The following STPG4 variants were observed in gnomAD, a reference collection of about 807,000 sequenced individuals.
The protein encoded by STPG4 is protein STPG4.
In STPG4, 41 loss-of-function variants were observed where a neutral mutation model predicts 31.5. The observed-to-expected ratio is 1.30, with a 90% CI of 1.01 to 1.69. The LOEUF (loss-of-function observed/expected upper bound fraction) is 1.69, where lower values mean the gene tolerates loss of function less well. STPG4 is among the 40% of genes most tolerant of loss of function. The pLI, the probability that STPG4 is intolerant of heterozygous loss-of-function variation, is 0.00. For missense variants in STPG4, 375 were observed against 293.4 expected, an observed-to-expected ratio of 1.28 and a Z score of -2.03; for synonymous variants, 141 against 103.0, an observed-to-expected ratio of 1.37 and a Z score of -2.24.
At chr2:47,128,997 T>C (rs1686417866) in intron 5 of STPG4, 2 of 152,428 alleles carry the variant, frequency 1.3e-5, no homozygotes, top group South Asian at 4.2e-4. Flanking sequence ...CAGTAGGTGA[T>C]GAATCTTGCC....
intron 3 of STPG4, among the ~76,000 whole-genome samples, chr2:47,142,313 C>T (rs1015496400): frequency 6.6e-6 from 1 of 151,962 alleles, no homozygotes; most frequent in Non-Finnish European, 1.5e-5. Context: ...AATAGAATTG[C>T]CAAATTTGTT....
In STPG4 at chr2:47,100,258, A is replaced by G. The variant is rs540511103; in HGVS notation, c.520-9884T>C. Among the ~76,000 whole-genome samples, 583 of 151,714 alleles carry G rather than the reference A, an allele frequency of 3.8e-3. 6 individuals are homozygous for G. Among genetic ancestry groups the G allele is most frequent in the African/African-American group, 0.012 (481 of 41,246 alleles). On this transcript the variant is annotated intron_variant, in intron 5 of 6. Transcript: ENST00000445927. ...CTCAGGGATTGTAAATACACCAATC[A>G]GCACTCTGTATCTAGCTCAAGGTTT... is the stretch of plus-strand genomic sequence containing the variant.
At chr2:47,094,826 G>A (rs7602625) in intron 5 of STPG4, among the ~76,000 whole-genome samples, 60,063 of 152,088 alleles carry the variant, frequency 0.39, 13,009 homozygotes, top group Middle Eastern at 0.55. Context: ...ATACCGCGAA[G>A]AAGCCTGGCT....
At chr2:47,118,633 C>A (rs1186518720) in intron 5 of STPG4, among the ~76,000 whole-genome samples, 1 of 152,154 alleles carries the variant, frequency 6.6e-6, no homozygotes, top group African/African-American at 2.4e-5. Context: ...CAGCTCAAAG[C>A]CCAGCTTTTG....
At chr2:47,117,930 A>ATATATATATTTT (rs1491090707) in intron 5 of STPG4, among the ~76,000 whole-genome samples, 10 of 117,514 alleles carry the variant, frequency 8.5e-5, no homozygotes, top group African/African-American at 3.8e-4. Context: ...ATATATATAT[A>ATATATATATTTT]TTTTTTTTTT....
intron 5 of STPG4, among the ~76,000 whole-genome samples, chr2:47,118,873 T>A (rs1041929999): frequency 2.6e-5 from 4 of 152,346 alleles, no homozygotes; most frequent in African/African-American, 9.6e-5. Flanking sequence ...CCCTACTACA[T>A]GCTGTAGTTG....
chr2:47,133,364 A>G (rs1686526945), intron 3 of STPG4, among the ~76,000 whole-genome samples: 1 of 151,614 alleles, frequency 6.6e-6, no homozygotes, highest in Non-Finnish European at 1.5e-5. Context: ...TTGAGATCTC[A>G]CTATGTTGCC....
chr2:47,121,586 C>A (rs528228399), intron 5 of STPG4, among the ~76,000 whole-genome samples: 1 of 152,316 alleles, frequency 6.6e-6, no homozygotes, highest in African/African-American at 2.4e-5. Context: ...CACCTGTATT[C>A]ATTCACTATG....
intron 5 of STPG4, among the ~76,000 whole-genome samples, chr2:47,111,325 G>A (rs1686033000): frequency 6.6e-6 from 1 of 152,226 alleles, no homozygotes. Context: ...GTTCAAAGAA[G>A]TAGTGCAGAG....
chr2:47,144,259 C>T (rs1686773345), intron 3 of STPG4, among the ~76,000 whole-genome samples: 2 of 152,218 alleles, frequency 1.3e-5, no homozygotes, highest in African/African-American at 4.8e-5. Flanking sequence ...GGACTTTGGA[C>T]AATGCATCTC....
At chr2:47,115,837 A>G (rs1189265660) in intron 5 of STPG4, among the ~76,000 whole-genome samples, 1 of 152,030 alleles carries the variant, frequency 6.6e-6, no homozygotes, top group Non-Finnish European at 1.5e-5. Context: ...TATTTTTATT[A>G]GAGACAGGGT....
chr2:47,105,687 T>C (rs1366727210), intron 5 of STPG4, among the ~76,000 whole-genome samples: 1 of 152,008 alleles, frequency 6.6e-6, no homozygotes, highest in African/African-American at 2.4e-5. Context: ...TAGTTAGTGA[T>C]GTAACCATAC....
At chr2:47,137,200 T>C (rs922405551) in intron 3 of STPG4, among the ~76,000 whole-genome samples, 3 of 152,220 alleles carry the variant, frequency 2.0e-5, no homozygotes, top group African/African-American at 7.2e-5. Context: ...TAAATGGATG[T>C]TGAATTTTCT....
intron 5 of STPG4, among the ~76,000 whole-genome samples, chr2:47,106,493 A>G (rs1042629516): frequency 6.6e-6 from 1 of 151,922 alleles, no homozygotes; most frequent in African/African-American, 2.4e-5. Flanking sequence ...GATTTCTCAG[A>G]CAGTTTGCAA....
chr2:47,097,965 A>AC (rs1685708516), intron 5 of STPG4, among the ~76,000 whole-genome samples: 1 of 151,944 alleles, frequency 6.6e-6, no homozygotes, highest in South Asian at 2.1e-4. Flanking sequence ...AAAAAAAAAA[A>AC]AAAAAAATGC....
intron 5 of STPG4, among the ~76,000 whole-genome samples, chr2:47,118,671 C>G (rs1382123195): frequency 1.3e-5 from 2 of 152,168 alleles, no homozygotes; most frequent in Non-Finnish European, 2.9e-5. Flanking sequence ...AGCCCTGACT[C>G]TATCTCTTAA....
intron 3 of STPG4, among the ~76,000 whole-genome samples, chr2:47,142,356 T>C (rs1192131210): frequency 6.6e-6 from 1 of 152,172 alleles, no homozygotes; most frequent in Admixed American, 6.5e-5. Flanking sequence ...TCCAAGGCAA[T>C]GCTAAAGCTA....
At chr2:47,097,972 A>AC (rs1685708846) in intron 5 of STPG4, among the ~76,000 whole-genome samples, 8 of 149,280 alleles carry the variant, frequency 5.4e-5, no homozygotes. Flanking sequence ...AAAAAAAAAA[A>AC]TGCACTGAGG....
At chr2:47,107,300 C>T (rs995198496) in intron 5 of STPG4, among the ~76,000 whole-genome samples, 10 of 152,198 alleles carry the variant, frequency 6.6e-5, no homozygotes, top group African/African-American at 2.2e-4. Flanking sequence ...AAGTGGGAAC[C>T]GGGGCTGCGC....
Sources: allele counts gnomAD v4.1 joint callset (sites outside exome capture counted in the v4.1 genomes callset), GRCh38; gene constraint gnomAD v4.1.1; transcripts MANE v1.5; gene names NCBI Gene and HGNC (gene_info 2026-07-23, HGNC 2026-07-21).